Variants in ARID2 observed in about 807,000 individuals in gnomAD.
ARID2 encodes the protein AT-rich interaction domain 2, also known as AT-rich interactive domain-containing protein 2.
Under a neutral mutation model 184.6 loss-of-function variants are expected in ARID2, and 32 were observed. The observed-to-expected ratio is 0.17, with a 90% CI of 0.13 to 0.23. ARID2 has a LOEUF of 0.23. Among genes scored for constraint, ARID2 ranks in the 10% least tolerant of loss-of-function variants. The probability of loss-of-function intolerance (pLI) is 1.00; values close to 1 mark genes in which losing one functional copy is unlikely to be tolerated. For missense variants in ARID2, 1,696 were observed against 2,197.6 expected, an observed-to-expected ratio of 0.77 and a Z score of 4.56; for synonymous variants, 836 against 772.6, an observed-to-expected ratio of 1.08 and a Z score of -1.36.
At chr12:45,777,737 C>T (rs937885381) in intron 3 of ARID2, among the ~76,000 whole-genome samples, 3 of 150,530 alleles carry the variant, frequency 2.0e-5, no homozygotes, top group South Asian at 4.2e-4. Context: ...TTAGCGTTGT[C>T]GTAGATTATA....
At chr12:45,770,252 C>G (rs1266558992) in intron 3 of ARID2, among the ~76,000 whole-genome samples, 1 of 135,872 alleles carries the variant, frequency 7.4e-6, no homozygotes, top group Non-Finnish European at 1.6e-5. Context: ...GACTCCATCT[C>G]AAAAAAAAAA....
At chr12:45,832,351 G>T (rs1184638039) in intron 6 of ARID2, among the ~76,000 whole-genome samples, 1 of 152,090 alleles carries the variant, frequency 6.6e-6, no homozygotes, top group Non-Finnish European at 1.5e-5. Flanking sequence ...ATGCCTTGCA[G>T]TTTCATTGCT....
At chr12:45,870,496 A>G (rs986110906) in intron 16 of ARID2, among the ~76,000 whole-genome samples, 2 of 152,304 alleles carry the variant, frequency 1.3e-5, no homozygotes, top group South Asian at 2.1e-4. Context: ...CATCCTTTCT[A>G]CAGTTCTGTG....
chr12:45,878,219 C>T (rs1394043508), intron 16 of ARID2, among the ~76,000 whole-genome samples: 2 of 151,936 alleles, frequency 1.3e-5, no homozygotes, highest in Non-Finnish European at 2.9e-5. Context: ...TAATATTTAT[C>T]TTGTTTAGTG....
chr12:45,837,311 CT>C lies in ARID2; in HGVS notation c.1024-5del. On this transcript the variant is annotated splice_polypyrimidine_tract_variant and intron_variant, in intron 8 of 20. Transcript: ENST00000334344. ...GCATAGCTCAATAATAGTGTTGTTTCTTTTTCCAGCTTTTACTGGACCCTGT... is the reference window on the plus strand; with the variant it reads ...GCATAGCTCAATAATAGTGTTGTTTCTTTTCCAGCTTTTACTGGACCCTGT... 6.3e-7 allele frequency: 1 copy of C among 1,590,102 alleles called. No individual in the cohort carries two copies. The highest frequency in any genetic ancestry group is 8.5e-7 in the Non-Finnish European group (1 of 1,170,592).
chr12:45,812,998 C>G (rs1164167400), intron 4 of ARID2, among the ~76,000 whole-genome samples: 1 of 152,070 alleles, frequency 6.6e-6, no homozygotes, highest in Non-Finnish European at 1.5e-5. Flanking sequence ...TGAGAAAGAT[C>G]ATGTGAAATA....
chr12:45,746,797 C>T (rs375158532), intron 3 of ARID2, among the ~76,000 whole-genome samples: 14 of 152,018 alleles, frequency 9.2e-5, no homozygotes, highest in East Asian at 3.9e-4. Context: ...GACGGAGTCT[C>T]GCTCTGTCAC....
intron 4 of ARID2, among the ~76,000 whole-genome samples, chr12:45,814,286 C>G (rs1942764978): frequency 6.6e-6 from 1 of 152,080 alleles, no homozygotes; most frequent in Non-Finnish European, 1.5e-5. Context: ...AAATTGAAAA[C>G]AAAGAGAAGT....
intron 5 of ARID2, among the ~76,000 whole-genome samples, chr12:45,818,183 G>T (rs1942840250): frequency 6.6e-6 from 1 of 152,060 alleles, no homozygotes; most frequent in African/African-American, 2.4e-5. Flanking sequence ...AGAAAACTAG[G>T]ATCTGGAAGA....
intron 3 of ARID2, among the ~76,000 whole-genome samples, chr12:45,744,940 T>TA (rs1941327908): frequency 6.6e-6 from 1 of 152,192 alleles, no homozygotes; most frequent in Non-Finnish European, 1.5e-5. Flanking sequence ...CCCTCCTTCT[T>TA]TGGCCCCCTC....
intron 11 of ARID2, chr12:45,840,437 A>G (rs948379645): frequency 2.6e-5 from 4 of 152,204 alleles, no homozygotes; most frequent in Non-Finnish European, 5.9e-5. Context: ...CATTTCAGAA[A>G]GAGATGCTAA....
intron 3 of ARID2, among the ~76,000 whole-genome samples, chr12:45,780,799 T>C (rs1942074472): frequency 6.6e-6 from 1 of 152,008 alleles, no homozygotes; most frequent in Admixed American, 6.6e-5. Context: ...TTTGTATTTT[T>C]AGTAGTGATG....
intron 16 of ARID2, among the ~76,000 whole-genome samples, chr12:45,877,213 G>A (rs1944024086): frequency 6.6e-6 from 1 of 152,068 alleles, no homozygotes; most frequent in South Asian, 2.1e-4. Context: ...AGGCTGCACA[G>A]CAGGAGGTGA....
At chr12:45,807,206 C>T (rs942392749) in intron 3 of ARID2, among the ~76,000 whole-genome samples, 2 of 152,148 alleles carry the variant, frequency 1.3e-5, no homozygotes, top group Non-Finnish European at 2.9e-5. Flanking sequence ...ATTTTTCTCT[C>T]TAAAGTTTAT....
At chr12:45,837,802 T>G (rs112292622) in intron 10 of ARID2, 95 bp downstream of exon 10, 39 of 1,175,686 alleles carry the variant, frequency 3.3e-5, no homozygotes, top group Non-Finnish European at 4.1e-5. Flanking sequence ...TGAGGTTTAG[T>G]GTTTTATTTT....
intron 3 of ARID2, among the ~76,000 whole-genome samples, chr12:45,779,876 G>A (rs1592071481): frequency 6.6e-6 from 1 of 152,218 alleles, no homozygotes; most frequent in East Asian, 1.9e-4. Flanking sequence ...TATAATGTAG[G>A]AATGTAAGAG....
chr12:45,741,457 A>T (rs898927126), intron 3 of ARID2, among the ~76,000 whole-genome samples: 1 of 152,188 alleles, frequency 6.6e-6, no homozygotes, highest in Admixed American at 6.5e-5. Flanking sequence ...ATTGGCCTCC[A>T]AAGTGTTAGG....
At chr12:45,779,062 T>G (rs1324263052) in intron 3 of ARID2, among the ~76,000 whole-genome samples, 1 of 152,122 alleles carries the variant, frequency 6.6e-6, no homozygotes, top group Non-Finnish European at 1.5e-5. Context: ...TGTGTCATAA[T>G]TTTAACTTCT....
intron 16 of ARID2, chr12:45,881,495 T>C (rs1944097930): frequency 6.5e-6 from 1 of 153,028 alleles, no homozygotes; most frequent in African/African-American, 2.4e-5. Context: ...GTTTCTTCTT[T>C]GCTGTGACCT....
Sources: gnomAD v4.1 joint callset for allele counts (sites outside exome capture counted in the v4.1 genomes callset) on GRCh38, gnomAD v4.1.1 for gene constraint, MANE v1.5 for transcripts, NCBI Gene and HGNC (gene_info 2026-07-23, HGNC 2026-07-21) for gene names.